EFHB: variants seen among roughly 807,000 people sequenced by gnomAD.
EFHB encodes the protein EF-hand domain family member B, also known as EF-hand domain-containing family member B.
In EFHB, 91 loss-of-function variants were observed where a neutral mutation model predicts 87.2. The observed-to-expected ratio is 1.04, with a 90% CI of 0.88 to 1.24. The LOEUF is 1.24. Ranked by LOEUF, EFHB falls within the 50% of genes most tolerant of loss-of-function variation. EFHB has a pLI of 0.00. For synonymous variants in EFHB, 325 were observed against 333.6 expected (o/e 0.97, Z 0.28); for missense variants, 1,084 against 998.8 (o/e 1.09, Z -1.15).
At chr3:19,927,762 A>G (rs978664292) in intron 1 of EFHB, among the ~76,000 whole-genome samples, 21 of 152,042 alleles carry the variant, frequency 1.4e-4, no homozygotes, top group African/African-American at 5.1e-4. Flanking sequence ...AACCTCACCC[A>G]AATGCACTTC....
Position 19,881,397 on chromosome 3 carries a change from G to A in EFHB, c.2328+1153C>T, listed in dbSNP as rs558965468. Among the ~76,000 whole-genome samples, 4 of 152,210 alleles carry A rather than the reference G, an allele frequency of 2.6e-5. No individual in the cohort carries two copies. In the South Asian group the frequency reaches 8.3e-4, roughly 32 times the overall value. ...ACATTATTATTCCAAGCAGGTCTTT[G>A]ACTTCTTACTTTTTGTCTAGAATTG... On this transcript the variant is annotated intron_variant, in intron 12 of 12. Transcript: ENST00000295824.
intron 1 of EFHB, among the ~76,000 whole-genome samples, chr3:19,942,728 A>T (rs1255972320): frequency 6.6e-6 from 1 of 152,150 alleles, no homozygotes; most frequent in Non-Finnish European, 1.5e-5. Context: ...TTGTCATAAG[A>T]AGTGCTAGAT....
At chr3:19,899,337 G>A in intron 7 of EFHB, 95 bp downstream of exon 7, 1 of 759,456 alleles carries the variant, frequency 1.3e-6, no homozygotes, top group South Asian at 2.6e-5. Flanking sequence ...TTATTTAATA[G>A]ATAGAATCTA....
chr3:19,905,525 T>G (rs539999953), intron 6 of EFHB, 95 bp downstream of exon 6: 2 of 1,358,728 alleles, frequency 1.5e-6, no homozygotes, highest in African/African-American at 1.4e-5. Flanking sequence ...CCATATCATT[T>G]TATTACCTCT....
intron 9 of EFHB, among the ~76,000 whole-genome samples, chr3:19,892,224 T>C (rs1694329730): frequency 6.6e-6 from 1 of 152,224 alleles, no homozygotes; most frequent in South Asian, 2.1e-4. Flanking sequence ...AGCAATGAGC[T>C]ATTAGTCAAG....
rs759377531 is a variant in EFHB, at chr3:19,905,707, C to G, written c.1331G>C (p.Arg444Thr). 1 of 1,613,374 alleles carries G rather than the reference C, an allele frequency of 6.2e-7. No homozygotes were observed. Among genetic ancestry groups the G allele is most frequent in the Non-Finnish European group, 8.5e-7 (1 of 1,179,502 alleles). Residue 444 changes from arginine (R) to threonine (T), a missense_variant, in exon 6 of 13, where the codon AGG becomes ACG. Physicochemically the swap from Arg to Thr is moderately conservative, Grantham distance 71 (BLOSUM62 -1). Coordinates refer to ENST00000295824, the MANE Select transcript of EFHB (RefSeq NM_144715.4). ...TGTTGGTACTCCATACACACTACACCTATGGAAACTTGATGGGTTATACTT... is the reference window on the plus strand; with the variant it reads ...TGTTGGTACTCCATACACACTACACGTATGGAAACTTGATGGGTTATACTT... ...NRKYNPSSFHRCSVYGVPTPH... is the reference protein window; with the variant it reads ...NRKYNPSSFHTCSVYGVPTPH...
intron 5 of EFHB, among the ~76,000 whole-genome samples, chr3:19,911,992 C>T (rs1695079868): frequency 6.6e-6 from 1 of 151,254 alleles, no homozygotes; most frequent in Non-Finnish European, 1.5e-5. Flanking sequence ...AAGTTATTGC[C>T]CTTAAGGAGA....
At chr3:19,934,345 C>T (rs1559477110), upstream of EFHB, 1 of 986,362 alleles carries the variant, frequency 1.0e-6, no homozygotes, top group Non-Finnish European at 1.3e-6. Flanking sequence ...TCTTCTCTCT[C>T]CTCTGTCTCT....
intron 2 of EFHB, 22 bp from the exon 3 acceptor site, chr3:19,919,998 A>G: frequency 6.2e-7 from 1 of 1,613,024 alleles, no homozygotes; most frequent in South Asian, 1.1e-5. Flanking sequence ...GAGGCAAGAA[A>G]ATAGTATTAA....
At chr3:19,946,585 G>GA (rs1559482726) in intron 1 of EFHB, among the ~76,000 whole-genome samples, 2 of 152,198 alleles carry the variant, frequency 1.3e-5, no homozygotes, top group African/African-American at 4.8e-5. Flanking sequence ...CGGCTTTTGG[G>GA]ATAGGGAGGG....
At chr3:19,879,827 G>A in intron 12 of EFHB, 23 bp from the exon 13 acceptor site, 1 of 1,545,548 alleles carries the variant, frequency 6.5e-7, no homozygotes. Context: ...ATTTAAAATA[G>A]ACCATGATTT....
chr3:19,939,234 GT>G (rs1457823474), intron 1 of EFHB, among the ~76,000 whole-genome samples: 1 of 151,822 alleles, frequency 6.6e-6, no homozygotes, highest in Non-Finnish European at 1.5e-5. Flanking sequence ...TTTTGCCCCT[GT>G]TGTCCCCCTT....
chr3:19,908,866 G>T lies in EFHB; in HGVS notation c.1289-3117C>A, dbSNP rs1003808671. Reference sequence around the variant, plus strand: ...AAAAAATTTAAAATATATAGAGCAGGCTCCCTAAAAGCATGGAGAGTATTA... The same window carrying T: ...AAAAAATTTAAAATATATAGAGCAGTCTCCCTAAAAGCATGGAGAGTATTA... On this transcript the variant is annotated intron_variant, in intron 5 of 12. Coordinates refer to ENST00000295824, the MANE Select transcript of EFHB (RefSeq NM_144715.4). Among the ~76,000 whole-genome samples, 7 of 152,038 alleles carry T rather than the reference G, an allele frequency of 4.6e-5. No homozygotes were observed. The South Asian group carries it at 1.2e-3, about 27-fold the overall frequency.
rs1695937664 is a variant in EFHB, at chr3:19,934,073, G to C, written c.-55C>G. On this transcript the variant is annotated 5_prime_UTR_variant, in exon 1 of 13. Transcript: ENST00000295824. ...AAGAGCGCTCATCTCTAAGGGGAAAGCTGTACCTGGCTACAAAGACGCCTC... is the reference window on the plus strand; with the variant it reads ...AAGAGCGCTCATCTCTAAGGGGAAACCTGTACCTGGCTACAAAGACGCCTC... 1 of 1,521,016 alleles carries C rather than the reference G, an allele frequency of 6.6e-7. No homozygotes were observed. Among genetic ancestry groups the C allele is most frequent in the Non-Finnish European group, 8.8e-7 (1 of 1,136,276 alleles). The allele number at this position is 1,521,016 out of a possible 1,614,324, so 94.2% of individuals were successfully genotyped here. A position where few individuals can be genotyped will look rare whatever the true frequency, so the allele number is the denominator to read the frequency against.
intron 1 of EFHB, among the ~76,000 whole-genome samples, chr3:19,931,289 C>T (rs551948601): frequency 6.6e-6 from 1 of 152,240 alleles, no homozygotes; most frequent in Admixed American, 6.5e-5. Flanking sequence ...CTCCTTGACA[C>T]TCTCTTTCTT....
chr3:19,936,445 TC>T (rs1696024122), upstream of EFHB: 2 of 466,906 alleles, frequency 4.3e-6, no homozygotes, highest in Non-Finnish European at 7.6e-6. Flanking sequence ...ATGCCTATAG[TC>T]CTAGCTACTC....
chr3:19,946,204 A>C (rs1364229601), intron 1 of EFHB: 1 of 152,224 alleles, frequency 6.6e-6, no homozygotes, highest in African/African-American at 2.4e-5. Flanking sequence ...TGCACCACAC[A>C]GCCGTGATCT....
intron 6 of EFHB, among the ~76,000 whole-genome samples, chr3:19,902,365 T>C (rs1464608685): frequency 6.6e-6 from 1 of 152,174 alleles, no homozygotes; most frequent in Non-Finnish European, 1.5e-5. Context: ...TTTTTGTTTT[T>C]GTTTTTTGAG....
At position 19,888,522 on chromosome 3, in the gene EFHB, A is replaced by C. The variant is rs760789974; in HGVS notation, c.1855T>G (p.Tyr619Asp). ...CDVDNDGFIN[Y>D]LEFANFLNWK... The stretch of plus-strand genomic sequence containing the variant: ...TTAAGAAAATTTGCGAATTCCAGAT[A>C]GTTAATGAAGCCATCATTATCCACA... Residue 619 changes from tyrosine to aspartate, a missense_variant, in exon 10 of 13, where the codon TAT becomes GAT. Coordinates refer to ENST00000295824, the MANE Select transcript of EFHB (RefSeq NM_144715.4). 6.3e-7 allele frequency: 1 copy of C among 1,583,328 alleles called. No individual in the cohort carries two copies. The highest frequency in any genetic ancestry group is 8.6e-7 in the Non-Finnish European group (1 of 1,162,860).
Sources: allele counts gnomAD v4.1 joint callset (sites outside exome capture counted in the v4.1 genomes callset), GRCh38; gene constraint gnomAD v4.1.1; transcripts MANE v1.5; gene names NCBI Gene and HGNC (gene_info 2026-07-23, HGNC 2026-07-21).